The following TAF4B variants were observed in gnomAD, a reference collection of about 807,000 sequenced individuals.
TAF4B encodes transcription initiation factor TFIID subunit 4B.
TAF4B carries 38 observed loss-of-function variants against 86.4 expected under a neutral mutation model. The ratio of observed to expected loss-of-function variants is 0.44; its 90% CI spans 0.34 to 0.58. The LOEUF (loss-of-function observed/expected upper bound fraction) is 0.58, where lower values mean the gene tolerates loss of function less well. Among genes scored for constraint, TAF4B ranks in the 20% least tolerant of loss-of-function variants. The pLI, the probability that TAF4B is intolerant of heterozygous loss-of-function variation, is 0.02. For synonymous variants in TAF4B, 388 were observed against 391.2 expected (o/e 0.99, Z 0.10); for missense variants, 988 against 1,027.6 (o/e 0.96, Z 0.53).
chr18:26,376,070 G>T (rs958733332), intron 14 of TAF4B, among the ~76,000 whole-genome samples: 2 of 151,968 alleles, frequency 1.3e-5, no homozygotes, highest in African/African-American at 2.4e-5. Flanking sequence ...CTATGTATCT[G>T]TCCTTACACC....
At position 26,378,454 on chromosome 18, in the gene TAF4B, C is replaced by T. The variant is rs1041010312; in HGVS notation, c.2422-11391C>T. 3.3e-5 allele frequency among the ~76,000 whole-genome samples: 5 copies of T among 152,156 alleles called. No individual in the cohort carries two copies. In the East Asian group the frequency reaches 7.7e-4, roughly 23 times the overall value. ...GGATGTAGAATTCCAGCTTGACAAA[C>T]TTCTCATACTTCTATACCAAAGTAC... On this transcript the variant is annotated intron_variant, in intron 14 of 14. Coordinates refer to ENST00000269142, the MANE Select transcript of TAF4B (RefSeq NM_005640.3).
chr18:26,255,201 TAAA>T (rs959133718), intron 1 of TAF4B, among the ~76,000 whole-genome samples: 2 of 152,224 alleles, frequency 1.3e-5, no homozygotes, highest in Admixed American at 6.5e-5. Flanking sequence ...AAAAAAGACT[TAAA>T]GAGCACTTTA....
chr18:26,324,073 TAGC>T (rs1387104849), intron 11 of TAF4B, among the ~76,000 whole-genome samples: 1 of 152,242 alleles, frequency 6.6e-6, no homozygotes, highest in Non-Finnish European at 1.5e-5. Context: ...GATATCTTCT[TAGC>T]AGTTACCATA....
intron 1 of TAF4B, among the ~76,000 whole-genome samples, chr18:26,234,092 G>T (rs767448322): frequency 9.9e-5 from 15 of 152,012 alleles, no homozygotes; most frequent in Non-Finnish European, 2.1e-4. Flanking sequence ...TAACCACCCC[G>T]AGGGGAGAAA....
Position 26,390,178 on chromosome 18 carries a change from C to G in TAF4B, c.*166C>G. ...ACTCTTACCTATCCATCTCATGGGA[C>G]TCTTACAGACTCAGATTCATCTTTG... On this transcript the variant is annotated 3_prime_UTR_variant, in exon 15 of 15. Transcript: ENST00000269142. The G allele has an allele frequency of 1.7e-6, 1 of 585,744 alleles. No homozygotes were observed. The highest frequency in any genetic ancestry group is 2.8e-6 in the Non-Finnish European group (1 of 355,584). 36.3% of individuals were successfully genotyped at this position (585,744 alleles called of 1,614,324 possible).
chr18:26,263,356 C>T (rs1452170971), intron 1 of TAF4B, among the ~76,000 whole-genome samples: 1 of 152,156 alleles, frequency 6.6e-6, no homozygotes, highest in African/African-American at 2.4e-5. Flanking sequence ...AATTGTACTA[C>T]CACCACCAAG....
At chr18:26,300,601 C>G (rs1384872475) in intron 9 of TAF4B, among the ~76,000 whole-genome samples, 1 of 150,242 alleles carries the variant, frequency 6.7e-6, no homozygotes, top group Non-Finnish European at 1.5e-5. Context: ...AGAACATATT[C>G]TTGAACATAT....
chr18:26,377,002 C>T (rs1426604985), intron 14 of TAF4B, among the ~76,000 whole-genome samples: 2 of 151,898 alleles, frequency 1.3e-5, no homozygotes, highest in Non-Finnish European at 2.9e-5. Flanking sequence ...GTATTGAACC[C>T]ACTTTGTATT....
intron 14 of TAF4B, 92 bp downstream of exon 14, chr18:26,357,886 A>T (rs2144733780): frequency 1.2e-6 from 1 of 824,822 alleles, no homozygotes; most frequent in South Asian, 2.5e-5. Context: ...CCTGTTATGC[A>T]CGCTGTTGCT....
rs201827884 is a variant in TAF4B, at chr18:26,286,161, A to T, written c.1252A>T (p.Thr418Ser). The change falls in exon 7 of 15, where the codon ACT becomes TCT. Residue 418 changes from threonine to serine, a missense_variant. Physicochemically the swap from Thr to Ser is moderately conservative, Grantham distance 58. This residue lies in a region of TAF4B where 747 missense variants were observed against 737.9 expected (regional missense o/e 1.01). Transcript: ENST00000269142. ...TGTGACACTTCATTCTGTGGGCCCA[A>T]CTGCTGCAACAGGAGGAACAACAGC... The part of the protein sequence containing the change: ...GVVTLHSVGP[T>S]AATGGTTAGT... The T allele has an allele frequency of 1.2e-6, 2 of 1,614,086 alleles. No homozygotes were observed. Among genetic ancestry groups the T allele is most frequent in the Non-Finnish European group, 1.7e-6 (2 of 1,180,032 alleles).
chr18:26,303,288 GCTTTCATACCCCCTCCA>G (rs2056759553), intron 9 of TAF4B, among the ~76,000 whole-genome samples: 1 of 48,934 alleles, frequency 2.0e-5, no homozygotes, highest in Admixed American at 2.5e-4. Flanking sequence ...TCCTCCCTCC[GCTTTCATACCCCCTCCA>G]CTGTCATCCT....
intron 14 of TAF4B, among the ~76,000 whole-genome samples, chr18:26,360,683 A>C (rs1019348795): frequency 6.6e-6 from 1 of 152,160 alleles, no homozygotes; most frequent in African/African-American, 2.4e-5. Flanking sequence ...ATTCTCCCTT[A>C]GGCTAGATAA....
intron 1 of TAF4B, among the ~76,000 whole-genome samples, chr18:26,247,112 G>T (rs772348566): frequency 6.6e-6 from 1 of 152,064 alleles, no homozygotes; most frequent in African/African-American, 2.4e-5. Flanking sequence ...TGATCCACCC[G>T]CCTCGGCCTC....
At chr18:26,369,503 A>G (rs991026114) in intron 14 of TAF4B, among the ~76,000 whole-genome samples, 1 of 152,234 alleles carries the variant, frequency 6.6e-6, no homozygotes, top group African/African-American at 2.4e-5. Flanking sequence ...TTGCATCCTT[A>G]GCAAGGGCCA....
intron 9 of TAF4B, among the ~76,000 whole-genome samples, chr18:26,312,638 C>T (rs1217266870): frequency 6.6e-6 from 1 of 152,098 alleles, no homozygotes; most frequent in African/African-American, 2.4e-5. Flanking sequence ...ACTGGTCTTG[C>T]CAGCCTGTGT....
At position 26,335,155 on chromosome 18, in the gene TAF4B, A is replaced by G. The variant is rs905119892; in HGVS notation, c.2260-20A>G. 15 of 1,589,536 alleles carry G rather than the reference A, an allele frequency of 9.4e-6. No individual in the cohort carries two copies. The highest frequency in any genetic ancestry group is 1.3e-5 in the Non-Finnish European group (15 of 1,159,446). On this transcript the variant is annotated intron_variant, in intron 12 of 14. Transcript: ENST00000269142. ...TCAGATGCTAGTAATTTCTATTAAA[A>G]TTTTCTTTTCCTTTGATAGAGTCGT...
intron 13 of TAF4B, among the ~76,000 whole-genome samples, chr18:26,349,387 C>G (rs1201474893): frequency 2.0e-5 from 3 of 152,010 alleles, no homozygotes; most frequent in Admixed American, 2.0e-4. Context: ...GTATTCCTTA[C>G]CTAATGAACT....
intron 14 of TAF4B, among the ~76,000 whole-genome samples, chr18:26,389,229 G>A (rs183660810): frequency 1.1e-4 from 17 of 152,240 alleles, no homozygotes; most frequent in Admixed American, 3.9e-4. Flanking sequence ...TGGGGACAGC[G>A]CTTATATAAC....
In TAF4B at chr18:26,263,084, C is replaced by T. The variant is rs148679714; in HGVS notation, c.344-2086C>T. Among the ~76,000 whole-genome samples the T allele has an allele frequency of 4.6e-5, 7 of 152,206 alleles. No individual in the cohort carries two copies. In the East Asian group the frequency reaches 5.8e-4, roughly 13 times the overall value. ...TCCCACCTCAGTCTCTTGAGTAGCT[C>T]GGACTACAGGCACATGCCCACTGCA... On this transcript the variant is annotated intron_variant, in intron 1 of 14. Transcript: ENST00000269142.
Sources: gnomAD v4.1 joint callset for allele counts (sites outside exome capture counted in the v4.1 genomes callset) on GRCh38, gnomAD v4.1.1 for gene constraint, gnomAD v4.1.1 regional missense constraint, MANE v1.5 for transcripts, NCBI Gene and HGNC (gene_info 2026-07-23, HGNC 2026-07-21) for gene names.